Variants in CHML observed in about 807,000 individuals in gnomAD.
CHML encodes the protein rab proteins geranylgeranyltransferase component A 2.
CHML carries 20 observed loss-of-function variants against 30.4 expected under a neutral mutation model. That is an observed-to-expected ratio of 0.66 (90% confidence interval 0.46 to 0.95). CHML has a LOEUF of 0.95. CHML is among the 40% of genes least tolerant of loss of function. The pLI is 0.00. For synonymous variants in CHML, 281 were observed against 275.0 expected (o/e 1.02, Z -0.22); for missense variants, 795 against 768.5 (o/e 1.03, Z -0.41).
intron 1 of CHML, chr1:241,639,243 C>T (rs1410403249): frequency 6.6e-6 from 1 of 152,178 alleles, no homozygotes; most frequent in Admixed American, 6.5e-5. Context: ...TGCTGGAACC[C>T]ATCTATAAGA....
In CHML at chr1:241,634,628, T is replaced by C; in HGVS notation, c.1139A>G (p.Tyr380Cys). The stretch of plus-strand genomic sequence containing the variant: ...ACCCTGGGGAATTTCTCCTTGGCCA[T>C]ACAAGGGAAATAAAAAGGGGGTGTT... ...FGNTPFLFPL[Y>C]GQGEIPQGFC... The change falls in exon 2 of 2, where the codon TAT becomes TGT. Residue 380 changes from tyrosine (Y) to cysteine (C), a missense_variant. Transcript: ENST00000366553. 1 of 1,613,658 alleles carries C rather than the reference T, an allele frequency of 6.2e-7. No homozygotes were observed. Among genetic ancestry groups the C allele is most frequent in the Non-Finnish European group, 8.5e-7 (1 of 1,179,726 alleles).
chr1:241,635,470 T>C lies in CHML; in HGVS notation c.297A>G (p.Thr99=), dbSNP rs201802936. Residue 99 remains threonine, a synonymous_variant, in exon 2 of 2, where the codon ACA becomes ACG. Transcript: ENST00000366553. ...CCTGACTGGCGTAGCAAAAAGCTTCTGTGTGTTGAATAGTTTCATCCTTCT... is the reference window on the plus strand; with the variant it reads ...CCTGACTGGCGTAGCAAAAAGCTTCCGTGTGTTGAATAGTTTCATCCTTCT... ...LRKKDETIQH[T]EAFCYASQDM... 3 of 1,613,874 alleles carry C rather than the reference T, an allele frequency of 1.9e-6. No individual in the cohort carries two copies. The highest frequency in any genetic ancestry group is 4.5e-5 in the East Asian group (2 of 44,868).
At chr1:241,637,146 T>C (rs1002523589) in intron 1 of CHML, among the ~76,000 whole-genome samples, 3 of 152,216 alleles carry the variant, frequency 2.0e-5, no homozygotes, top group African/African-American at 7.2e-5. Flanking sequence ...TATTCATCAT[T>C]GCACAGTTTT....
rs1247476203 is a variant in CHML at position 241,632,206 on chromosome 1, C to T, written c.*1590G>A. The T allele has an allele frequency of 1.3e-5, 2 of 152,748 alleles. No individual in the cohort carries two copies. The highest frequency in any genetic ancestry group is 2.1e-4 in the South Asian group (1 of 4,840). The allele number at this position is 152,748 out of a possible 1,614,324, so 9.5% of individuals were successfully genotyped here. A position where few individuals can be genotyped will look rare whatever the true frequency, so the allele number is the denominator to read the frequency against. On this transcript the variant is annotated 3_prime_UTR_variant, in exon 2 of 2. Coordinates refer to ENST00000366553, the MANE Select transcript of CHML (RefSeq NM_001381853.1). Reference sequence around the variant, plus strand: ...TTTCCCTTTTCACTTAGTTCTCATTCTCTCTTGTCCACCGCCATGTAAGAC... The same window carrying T: ...TTTCCCTTTTCACTTAGTTCTCATTTTCTCTTGTCCACCGCCATGTAAGAC...
rs746696994 is a variant in CHML, at chr1:241,634,067, T to C, written c.1700A>G (p.Tyr567Cys). 11 of 1,612,394 alleles carry C rather than the reference T, an allele frequency of 6.8e-6. No homozygotes were observed. Among genetic ancestry groups the C allele is most frequent in the African/African-American group, 2.7e-5 (2 of 74,766 alleles). The part of the protein sequence containing the change: ...RDSSGISRSS[Y>C]NGLPSNVYVC... ...ATAAACATTGGAAGGCAAGCCATTA[T>C]ACGAGCTTCTGCTGATTCCCGAGGA... Residue 567 changes from tyrosine (Y) to cysteine (C), a missense_variant, in exon 2 of 2, where the codon TAT (tyrosine) becomes TGT (cysteine). By Grantham distance (194) the Tyr-to-Cys change is radical (BLOSUM62 -2). Transcript: ENST00000366553.
chr1:241,639,856 G>C (rs112198355), intron 1 of CHML, 26 bp downstream of exon 1: 1 of 1,495,402 alleles, frequency 6.7e-7, no homozygotes, highest in South Asian at 1.3e-5. Context: ...GCAGAGGGGA[G>C]GCTGCCTTCT....
Position 241,634,673 on chromosome 1 carries a change from T to C in CHML, c.1094A>G (p.Gln365Arg), listed in dbSNP as rs146276550. 2.3e-4 allele frequency: 366 copies of C among 1,614,020 alleles called. No homozygotes were observed. Among genetic ancestry groups the C allele is most frequent in the Admixed American group, 1.8e-4 (11 of 60,014 alleles). ...GGTGTTGCCAAACCGTCCGAGACAC[T>C]GAAGGAAGTTTTTAGTTGCGTTAAG... ...DGLNATKNFL[Q>R]CLGRFGNTPF... Residue 365 changes from glutamine (Q) to arginine (R), a missense_variant, in exon 2 of 2, where the codon CAG becomes CGG. Gln to Arg is a conservative substitution (Grantham distance 43, BLOSUM62 1). Coordinates refer to ENST00000366553, the MANE Select transcript of CHML (RefSeq NM_001381853.1).
In CHML at chr1:241,630,454, TGA is replaced by T. The variant is rs1664587126; in HGVS notation, c.*3340_*3341del. On this transcript the variant is annotated 3_prime_UTR_variant, in exon 2 of 2. Transcript: ENST00000366553. ...GTTTGTCACTGCTAAGATGTAGAAA[TGA>T]GATTTTTAAAAATTGTGTATCCTGC... 4 of 152,114 alleles carry T rather than the reference TGA, an allele frequency of 2.6e-5. No individual in the cohort carries two copies. 9.4% of individuals were successfully genotyped at this position (152,114 alleles called of 1,614,324 possible). A position where few individuals can be genotyped will look rare whatever the true frequency, so the allele number is the denominator to read the frequency against.
Position 241,635,649 on chromosome 1 carries a change from T to C in CHML, c.118A>G (p.Arg40Gly), listed in dbSNP as rs762862071. Residue 40 changes from arginine (R) to glycine (G), a missense_variant, in exon 2 of 2, where the codon AGA becomes GGA. Physicochemically the swap from Arg to Gly is moderately radical, Grantham distance 125. Transcript: ENST00000366553. ...SGQRVLHIDS[R>G]SYYGGNWASF... is the part of the protein sequence containing the mutation. The stretch of plus-strand genomic sequence containing the variant: ...GCCCAGTTTCCTCCATAGTAGCTTC[T>C]TGAATCAATATGCAGAACCCTCTGA... 1.1e-5 allele frequency: 17 copies of C among 1,613,986 alleles called. No individual in the cohort carries two copies. Among genetic ancestry groups the C allele is most frequent in the Non-Finnish European group, 1.4e-5 (17 of 1,179,950 alleles).
In CHML at chr1:241,635,344, T is replaced by C; in HGVS notation, c.423A>G (p.Glu141=). Reference sequence around the variant, plus strand: ...TATTAAAATACGATAACTGGCTTTCTTCAGGTAATGCAGAATCCAGAACTT... The same window carrying C: ...TATTAAAATACGATAACTGGCTTTCCTCAGGTAATGCAGAATCCAGAACTT... ...FTEVLDSALP[E]ESQLSYFNSD... is the part of the protein sequence containing the mutation. The change falls in exon 2 of 2, where the codon GAA becomes GAG. Residue 141 remains glutamate, a synonymous_variant. Coordinates refer to ENST00000366553, the MANE Select transcript of CHML (RefSeq NM_001381853.1). The C allele has an allele frequency of 6.2e-7, 1 of 1,614,078 alleles. No individual in the cohort carries two copies. The highest frequency in any genetic ancestry group is 1.7e-5 in the Admixed American group (1 of 60,008).
At chr1:241,639,836 G>A (rs1482148388) in intron 1 of CHML, 46 bp downstream of exon 1, 7 of 1,440,872 alleles carry the variant, frequency 4.9e-6, no homozygotes, top group Non-Finnish European at 6.4e-6. Flanking sequence ...GGGGTGGGGA[G>A]TGGAAGTTTG....
intron 1 of CHML, 124 bp downstream of exon 1, chr1:241,639,758 G>T (rs1665041433): frequency 2.0e-6 from 2 of 980,576 alleles, no homozygotes; most frequent in Non-Finnish European, 2.8e-6. Context: ...GGTGTAGGGC[G>T]GGGGGCGCGG....
rs375630300 is a variant in CHML at position 241,634,095 on chromosome 1, C to A, written c.1672G>T (p.Asp558Tyr). ...GAGCTTCTGCTGATTCCCGAGGAAT[C>A]TCTCATATTAAAATAAAGAGCCCAC... ...LLWALYFNMR[D>Y]SSGISRSSYN... The change falls in exon 2 of 2, where the codon GAT becomes TAT. Residue 558 changes from aspartate to tyrosine, a missense_variant. Coordinates refer to ENST00000366553, the MANE Select transcript of CHML (RefSeq NM_001381853.1). The A allele has an allele frequency of 1.7e-5, 28 of 1,610,462 alleles. No individual in the cohort carries two copies. In the Middle Eastern group the frequency reaches 2.3e-3, roughly 133 times the overall value.
rs1664630888 is a variant in CHML, at chr1:241,631,481, G to A, written c.*2315C>T. ...TTGTTCTGTTAGATTTAAACTTTAG[G>A]ATAAAGTTTAAATATGACTTTTACT... On this transcript the variant is annotated 3_prime_UTR_variant, in exon 2 of 2. Transcript: ENST00000366553. 1 of 151,652 alleles carries A rather than the reference G, an allele frequency of 6.6e-6. No homozygotes were observed. The highest frequency in any genetic ancestry group is 2.4e-5 in the African/African-American group (1 of 41,236). 9.4% of individuals were successfully genotyped at this position (151,652 alleles called of 1,614,324 possible). A position where few individuals can be genotyped will look rare whatever the true frequency, so the allele number is the denominator to read the frequency against.
rs779011452 is a variant in CHML, at chr1:241,634,622, T to G, written c.1145A>C (p.Gln382Pro). The part of the protein sequence containing the change: ...NTPFLFPLYG[Q>P]GEIPQGFCRM... ...ACAGAAACCCTGGGGAATTTCTCCT[T>G]GGCCATACAAGGGAAATAAAAAGGG... The change falls in exon 2 of 2, where the codon CAA (glutamine) becomes CCA (proline). Residue 382 changes from glutamine to proline, a missense_variant. Coordinates refer to ENST00000366553, the MANE Select transcript of CHML (RefSeq NM_001381853.1). The G allele has an allele frequency of 7.4e-6, 12 of 1,613,956 alleles. No homozygotes were observed. The highest frequency in any genetic ancestry group is 8.5e-6 in the Non-Finnish European group (10 of 1,179,912).
At position 241,640,099 on chromosome 1, in the gene CHML, C is replaced by G. The variant is rs780826022; in HGVS notation, c.-525G>C. 1 of 1,607,476 alleles carries G rather than the reference C, an allele frequency of 6.2e-7. No individual in the cohort carries two copies. The highest frequency in any genetic ancestry group is 8.5e-7 in the Non-Finnish European group (1 of 1,177,438). On this transcript the variant is annotated 5_prime_UTR_variant, in exon 1 of 2. Coordinates refer to ENST00000366553, the MANE Select transcript of CHML (RefSeq NM_001381853.1). ...GCAGGTTGTTGCCGACGCCCAGCAGCCCAATGGAGCCCAGCAGCAGCGCCA... is the reference window on the plus strand; with the variant it reads ...GCAGGTTGTTGCCGACGCCCAGCAGGCCAATGGAGCCCAGCAGCAGCGCCA...
chr1:241,640,040 A>G lies in CHML; in HGVS notation c.-466T>C, dbSNP rs767035246. On this transcript the variant is annotated 5_prime_UTR_variant, in exon 1 of 2. Coordinates refer to ENST00000366553, the MANE Select transcript of CHML (RefSeq NM_001381853.1). ...CAGGAGGAGGTGAGTGGGAGTGCGG[A>G]GCCGCTGGAACTTGTAGTAGAGGAC... 6.2e-7 allele frequency: 1 copy of G among 1,613,178 alleles called. No individual in the cohort carries two copies. The highest frequency in any genetic ancestry group is 8.5e-7 in the Non-Finnish European group (1 of 1,179,656).
rs1664640273 is a variant in CHML, at chr1:241,631,722, T to C, written c.*2074A>G. 1 of 152,148 alleles carries C rather than the reference T, an allele frequency of 6.6e-6. No homozygotes were observed. The highest frequency in any genetic ancestry group is 1.5e-5 in the Non-Finnish European group (1 of 68,004). 9.4% of individuals were successfully genotyped at this position (152,148 alleles called of 1,614,324 possible). ...TTGTTAAAATTTAGCCAAATTCTGC[T>C]TCGAGATCCATGCTCTAAAATATGT... On this transcript the variant is annotated 3_prime_UTR_variant, in exon 2 of 2. Transcript: ENST00000366553.
rs908649840 is a variant in CHML at position 241,640,354 on chromosome 1, C to T, written c.-780G>A. The T allele has an allele frequency of 1.9e-6, 2 of 1,058,368 alleles. No individual in the cohort carries two copies. The highest frequency in any genetic ancestry group is 9.1e-5 in the South Asian group (2 of 21,964). 65.6% of individuals were successfully genotyped at this position (1,058,368 alleles called of 1,614,324 possible). ...TGGGGTTGGGGCTCCGCCGCCTGCT[C>T]TAGCCATTGTGCACTGAGGGGCCCG... On this transcript the variant is annotated 5_prime_UTR_variant, in exon 1 of 2. Coordinates refer to ENST00000366553, the MANE Select transcript of CHML (RefSeq NM_001381853.1).
Sources: allele counts gnomAD v4.1 joint callset (sites outside exome capture counted in the v4.1 genomes callset), GRCh38; gene constraint gnomAD v4.1.1; transcripts MANE v1.5; gene names NCBI Gene and HGNC (gene_info 2026-07-23, HGNC 2026-07-21).